Variants in NBEA observed in about 807,000 individuals in gnomAD.
The protein encoded by NBEA is lysosomal-trafficking regulator 2.
In NBEA, 44 loss-of-function variants were observed where a neutral mutation model predicts 343.4. The ratio of observed to expected loss-of-function variants is 0.13; its 90% CI spans 0.10 to 0.16. NBEA has a LOEUF of 0.16. NBEA is among the 10% of genes least tolerant of loss of function. NBEA has a pLI of 1.00. For synonymous variants in NBEA, 1,175 were observed against 1,238.7 expected (o/e 0.95, Z 1.08); for missense variants, 2,555 against 3,631.3 (o/e 0.70, Z 7.62).
chr13:35,052,868 C>A (rs1486772097), intron 6 of NBEA, among the ~76,000 whole-genome samples: 1 of 151,976 alleles, frequency 6.6e-6, no homozygotes, highest in Non-Finnish European at 1.5e-5. Context: ...CCTTGATAAA[C>A]TCCAAATCTG....
intron 44 of NBEA, among the ~76,000 whole-genome samples, chr13:35,558,512 T>A (rs2153019807): frequency 6.6e-6 from 1 of 152,264 alleles, no homozygotes; most frequent in South Asian, 2.1e-4. Context: ...GCAGCAGGTA[T>A]GGCAAAAAGA....
intron 41 of NBEA, among the ~76,000 whole-genome samples, chr13:35,473,351 T>C (rs891386104): frequency 6.6e-6 from 1 of 152,186 alleles, no homozygotes; most frequent in East Asian, 1.9e-4. Context: ...TTTGCAAAGA[T>C]CTTCCTTTAT....
intron 49 of NBEA, among the ~76,000 whole-genome samples, chr13:35,632,409 A>G (rs1196644397): frequency 6.6e-6 from 1 of 152,122 alleles, no homozygotes; most frequent in Non-Finnish European, 1.5e-5. Flanking sequence ...AATACATGTA[A>G]TGAGATCCCT....
chr13:35,057,137 A>T (rs1038817444), intron 7 of NBEA, among the ~76,000 whole-genome samples: 1 of 152,110 alleles, frequency 6.6e-6, no homozygotes, highest in Non-Finnish European at 1.5e-5. Flanking sequence ...AGTACCTCCA[A>T]GCTCAATAAT....
chr13:35,113,657 A>T (rs1285558766), intron 13 of NBEA, among the ~76,000 whole-genome samples: 2 of 151,704 alleles, frequency 1.3e-5, no homozygotes, highest in East Asian at 1.9e-4. Context: ...TTATATCAGT[A>T]TGGACTCATG....
chr13:35,346,239 T>A (rs2152860697), intron 36 of NBEA, among the ~76,000 whole-genome samples: 1 of 152,188 alleles, frequency 6.6e-6, no homozygotes, highest in South Asian at 2.1e-4. Flanking sequence ...CCTGTTAATC[T>A]ATTTAAGTTT....
intron 41 of NBEA, among the ~76,000 whole-genome samples, chr13:35,484,385 A>G (rs1452466060): frequency 6.6e-6 from 1 of 151,798 alleles, no homozygotes; most frequent in East Asian, 1.9e-4. Context: ...TTGATAAACA[A>G]AATGTATAAC....
At chr13:35,032,787 G>T (rs2062284147) in intron 1 of NBEA, among the ~76,000 whole-genome samples, 1 of 151,622 alleles carries the variant, frequency 6.6e-6, no homozygotes, top group African/African-American at 2.4e-5. Flanking sequence ...ATGCCCATTT[G>T]CCATTTGTAT....
chr13:35,236,748 G>A (rs945194207), intron 34 of NBEA, among the ~76,000 whole-genome samples: 1 of 150,588 alleles, frequency 6.6e-6, no homozygotes, highest in Non-Finnish European at 1.5e-5. Context: ...GAGCCACCCC[G>A]CCCGGCCTAA....
intron 38 of NBEA, among the ~76,000 whole-genome samples, chr13:35,412,047 A>G (rs1185269282): frequency 1.3e-5 from 2 of 152,152 alleles, no homozygotes; most frequent in Non-Finnish European, 2.9e-5. Context: ...GCCTTAAACT[A>G]TATCCTGTTC....
chr13:35,168,523 A>G (rs1311296803), intron 24 of NBEA, among the ~76,000 whole-genome samples: 1 of 151,598 alleles, frequency 6.6e-6, no homozygotes, highest in Non-Finnish European at 1.5e-5. Flanking sequence ...ATTTGAGAAT[A>G]CAAATTACAT....
At chr13:35,223,922 C>T (rs2074512664) in intron 33 of NBEA, among the ~76,000 whole-genome samples, 1 of 152,114 alleles carries the variant, frequency 6.6e-6, no homozygotes, top group Admixed American at 6.6e-5. Context: ...AATGAGCTTC[C>T]AGGCTCACTC....
chr13:35,023,863 G>A (rs1010682125), intron 1 of NBEA, among the ~76,000 whole-genome samples: 1 of 152,114 alleles, frequency 6.6e-6, no homozygotes, highest in African/African-American at 2.4e-5. Flanking sequence ...TGCATGCGCA[G>A]GTTTGTTACG....
At chr13:35,552,574 C>G (rs991823638) in intron 43 of NBEA, among the ~76,000 whole-genome samples, 1 of 152,118 alleles carries the variant, frequency 6.6e-6, no homozygotes, top group South Asian at 2.1e-4. Flanking sequence ...TTCCCAAGTG[C>G]TTACATACTA....
chr13:35,053,141 C>T (rs2063124511), intron 6 of NBEA, among the ~76,000 whole-genome samples: 1 of 152,108 alleles, frequency 6.6e-6, no homozygotes, highest in African/African-American at 2.4e-5. Context: ...ATCTCACCTC[C>T]ACATTGCTGC....
intron 1 of NBEA, among the ~76,000 whole-genome samples, chr13:35,031,451 G>A (rs2062214331): frequency 6.6e-6 from 1 of 151,586 alleles, no homozygotes; most frequent in Non-Finnish European, 1.5e-5. Context: ...ACTTAAGCTT[G>A]CTGAATTTCA....
At chr13:35,173,439 A>G in intron 26 of NBEA, 25 bp from the exon 27 acceptor site, 5 of 1,552,448 alleles carry the variant, frequency 3.2e-6, no homozygotes, top group South Asian at 1.2e-5. Flanking sequence ...TTATATTAAC[A>G]ATATGTTTTT....
At chr13:34,992,280 A>G (rs2060789902) in intron 1 of NBEA, among the ~76,000 whole-genome samples, 2 of 141,574 alleles carry the variant, frequency 1.4e-5, no homozygotes, top group African/African-American at 5.3e-5. Flanking sequence ...TTTTAGACAG[A>G]GTCTAGCTCT....
chr13:35,160,261 C>A lies in NBEA; in HGVS notation c.3861+229C>A, dbSNP rs148139740. Among the ~76,000 whole-genome samples, 1,296 of 152,160 alleles carry A rather than the reference C, an allele frequency of 8.5e-3. 77 individuals are homozygous for A. The highest frequency in any genetic ancestry group is 0.081 in the Admixed American group (1,231 of 15,248). ...ATTCTTCTGTGTAACTTTGCTCAAC[C>A]TCTCTGGGCCTAAGTTTCCTTATCT... On this transcript the variant is annotated intron_variant, in intron 22 of 58. Coordinates refer to ENST00000379939, the MANE Select transcript of NBEA (RefSeq NM_001385012.1).
Sources: gnomAD v4.1 joint callset for allele counts (sites outside exome capture counted in the v4.1 genomes callset) on GRCh38, gnomAD v4.1.1 for gene constraint, MANE v1.5 for transcripts, NCBI Gene and HGNC (gene_info 2026-07-23, HGNC 2026-07-21) for gene names.